Variants in RTN4R observed in about 807,000 individuals in gnomAD.
RTN4R encodes reticulon 4 receptor.
A neutral mutation model predicts 27.7 loss-of-function variants in RTN4R; 4 were observed. The ratio of observed to expected loss-of-function variants is 0.14; its 90% CI spans 0.07 to 0.33. The LOEUF is 0.33. Ranked by LOEUF, RTN4R falls within the 10% of genes least tolerant of loss-of-function variation. The pLI is 1.00. For synonymous variants in RTN4R, 290 were observed against 305.6 expected (o/e 0.95, Z 0.53); for missense variants, 554 against 671.5 (o/e 0.83, Z 1.93).
At chr22:20,249,174 A>C (rs1353488298) in intron 1 of RTN4R, 1 of 534,334 alleles carries the variant, frequency 1.9e-6, no homozygotes, top group Non-Finnish European at 3.8e-6. Flanking sequence ...CAGCTAATTC[A>C]ATCCAGCAGC....
At chr22:20,249,673 G>A (rs908637555) in intron 1 of RTN4R, among the ~76,000 whole-genome samples, 26 of 152,220 alleles carry the variant, frequency 1.7e-4, no homozygotes, top group South Asian at 4.1e-4. Context: ...TTGCTGGGAT[G>A]CGAGCCCCTC....
intron 1 of RTN4R, chr22:20,243,612 G>C (rs1030318623): frequency 6.9e-6 from 3 of 434,238 alleles, no homozygotes; most frequent in South Asian, 5.1e-5. Flanking sequence ...CGGGGGTGGA[G>C]GGCAAGTGTG....
In RTN4R at chr22:20,241,936, C is replaced by G; in HGVS notation, c.1197G>C (p.Arg399=). The change falls in exon 2 of 2, where the codon CGG becomes CGC. Residue 399 remains arginine, a synonymous_variant. Coordinates refer to ENST00000043402, the MANE Select transcript of RTN4R (RefSeq NM_023004.6). ...ACCCTGGTGGCTCGGAGCCCTCGGG[C>G]CGCACTGCAGTGAGCGGGGGCTCAG... ...GSAEPPLTAV[R]PEGSEPPGFP... The G allele has an allele frequency of 6.2e-7, 1 of 1,606,836 alleles. No homozygotes were observed.
intron 1 of RTN4R, chr22:20,267,563 C>A: frequency 2.1e-6 from 1 of 467,270 alleles, no homozygotes; most frequent in Non-Finnish European, 4.4e-6. Context: ...GTCCCCCACG[C>A]CCTCTACTGC....
intron 1 of RTN4R, among the ~76,000 whole-genome samples, chr22:20,257,168 C>T (rs2051216772): frequency 6.6e-6 from 1 of 152,246 alleles, no homozygotes; most frequent in Non-Finnish European, 1.5e-5. Flanking sequence ...GGGAGAGAGC[C>T]TTGGCCCACA....
intron 1 of RTN4R, among the ~76,000 whole-genome samples, chr22:20,253,177 A>C (rs1473342792): frequency 6.6e-6 from 1 of 152,230 alleles, no homozygotes; most frequent in Admixed American, 6.5e-5. Flanking sequence ...AGGGGGCAGC[A>C]GCCAGGCTGT....
At chr22:20,244,347 C>T (rs908463595) in intron 1 of RTN4R, among the ~76,000 whole-genome samples, 1 of 152,232 alleles carries the variant, frequency 6.6e-6, no homozygotes, top group African/African-American at 2.4e-5. Context: ...CCCTGCCCCA[C>T]TGGGTCCTCT....
At chr22:20,258,433 C>T (rs1218824289) in intron 1 of RTN4R, among the ~76,000 whole-genome samples, 6 of 152,228 alleles carry the variant, frequency 3.9e-5, no homozygotes, top group Admixed American at 2.0e-4. Flanking sequence ...CATGGGAGCC[C>T]GGCTGGGTAA....
intron 1 of RTN4R, among the ~76,000 whole-genome samples, chr22:20,265,263 C>T (rs1460207678): frequency 1.3e-5 from 2 of 152,208 alleles, no homozygotes; most frequent in Non-Finnish European, 2.9e-5. Flanking sequence ...GTCCCACACA[C>T]CCTGGCCCTC....
rs570216521 is a variant in RTN4R, at chr22:20,263,328, T to C, written c.22+4743A>G. Among the ~76,000 whole-genome samples the C allele has an allele frequency of 1.8e-4, 27 of 152,200 alleles. 1 individual carries two copies. In the South Asian group the frequency reaches 2.3e-3, roughly 13 times the overall value. On this transcript the variant is annotated intron_variant, in intron 1 of 1. Transcript: ENST00000043402. Reference sequence around the variant, plus strand: ...TGGGCACACCAGGCCCTGAGGTACATCGCATAGGGGTGCCTCTCAGAGAAG... The same window carrying C: ...TGGGCACACCAGGCCCTGAGGTACACCGCATAGGGGTGCCTCTCAGAGAAG...
At chr22:20,261,941 A>G (rs1470760955) in intron 1 of RTN4R, among the ~76,000 whole-genome samples, 1 of 152,226 alleles carries the variant, frequency 6.6e-6, no homozygotes, top group African/African-American at 2.4e-5. Flanking sequence ...AGGGGCAGCC[A>G]TGGGGGAGTT....
chr22:20,267,609 C>G (rs1288153919), intron 1 of RTN4R: 1 of 469,498 alleles, frequency 2.1e-6, no homozygotes, highest in Admixed American at 2.4e-5. Flanking sequence ...GTGGACTGAC[C>G]TCGGAGAAAC....
intron 1 of RTN4R, among the ~76,000 whole-genome samples, chr22:20,245,378 C>G (rs967329603): frequency 6.6e-6 from 1 of 152,236 alleles, no homozygotes; most frequent in Non-Finnish European, 1.5e-5. Flanking sequence ...CCATGGCAAC[C>G]CCTCTGCTGA....
At chr22:20,256,806 C>T (rs1377813652) in intron 1 of RTN4R, among the ~76,000 whole-genome samples, 1 of 152,224 alleles carries the variant, frequency 6.6e-6, no homozygotes, top group Non-Finnish European at 1.5e-5. Context: ...ACTCAGGCAC[C>T]ACCTGTGCTT....
intron 1 of RTN4R, among the ~76,000 whole-genome samples, chr22:20,264,793 G>A (rs2051267848): frequency 6.6e-6 from 1 of 152,204 alleles, no homozygotes; most frequent in African/African-American, 2.4e-5. Context: ...CAGGCCCTGG[G>A]TGGCTGCAGA....
chr22:20,262,403 G>A (rs1222349522), intron 1 of RTN4R, among the ~76,000 whole-genome samples: 1 of 152,216 alleles, frequency 6.6e-6, no homozygotes, highest in Non-Finnish European at 1.5e-5. Flanking sequence ...AGTGGGTGAT[G>A]GGCCAGGCTG....
chr22:20,253,565 C>T (rs1602645822), intron 1 of RTN4R, among the ~76,000 whole-genome samples: 1 of 152,326 alleles, frequency 6.6e-6, no homozygotes, highest in East Asian at 1.9e-4. Context: ...AGAAGAAAAG[C>T]TCCATCTCAG....
intron 1 of RTN4R, among the ~76,000 whole-genome samples, chr22:20,248,527 C>T (rs1291208819): frequency 6.6e-6 from 1 of 152,210 alleles, no homozygotes; most frequent in Non-Finnish European, 1.5e-5. Context: ...TGGGCCACAC[C>T]GTGCAGGATC....
At chr22:20,257,830 C>T (rs2051220259) in intron 1 of RTN4R, among the ~76,000 whole-genome samples, 1 of 152,138 alleles carries the variant, frequency 6.6e-6, no homozygotes, top group Non-Finnish European at 1.5e-5. Context: ...GTGGCAGGAG[C>T]CCCCTCCATG....
Sources: allele counts gnomAD v4.1 joint callset (sites outside exome capture counted in the v4.1 genomes callset), GRCh38; gene constraint gnomAD v4.1.1; transcripts MANE v1.5; gene names NCBI Gene and HGNC (gene_info 2026-07-23, HGNC 2026-07-21).